Variants in DNM1L observed in about 807,000 individuals in gnomAD.
DNM1L encodes dynamin 1L.
Under a neutral mutation model 92.8 loss-of-function variants are expected in DNM1L, and 33 were observed. That is an observed-to-expected ratio of 0.36 (90% CI 0.27 to 0.48). DNM1L has a LOEUF of 0.48. DNM1L is among the 20% of genes least tolerant of loss of function. The pLI is 0.99. For missense variants in DNM1L, 485 were observed against 888.8 expected, an observed-to-expected ratio of 0.55 and a Z score of 5.78; for synonymous variants, 284 against 305.0, an observed-to-expected ratio of 0.93 and a Z score of 0.72.
intron 1 of DNM1L, among the ~76,000 whole-genome samples, chr12:32,697,489 C>G (rs10844307): frequency 0.15 from 23,412 of 152,026 alleles, 1,906 homozygotes; most frequent in Middle Eastern, 0.21. Flanking sequence ...TAATAATGTT[C>G]GTGGTGGTAG....
At chr12:32,742,352 C>T (rs879649802) in intron 18 of DNM1L, among the ~76,000 whole-genome samples, 5 of 152,130 alleles carry the variant, frequency 3.3e-5, no homozygotes, top group Non-Finnish European at 5.9e-5. Flanking sequence ...AGTCCACCCG[C>T]GTCAGCCTCC....
intron 1 of DNM1L, among the ~76,000 whole-genome samples, chr12:32,685,003 G>A (rs765567227): frequency 1.5e-4 from 23 of 149,852 alleles, no homozygotes; most frequent in Non-Finnish European, 2.8e-4. Flanking sequence ...GCAGTGGCGT[G>A]ATCTTGGCTC....
At position 32,698,722 on chromosome 12, in the gene DNM1L, GA is replaced by G. The variant is rs574354913; in HGVS notation, c.103-2688del. Among the ~76,000 whole-genome samples the G allele has an allele frequency of 3.9e-4, 59 of 152,248 alleles. 2 individuals carry two copies. The South Asian group carries it at 4.1e-3, about 11-fold the overall frequency. On this transcript the variant is annotated intron_variant, in intron 1 of 19. Transcript: ENST00000549701. Reference sequence around the variant, plus strand: ...AAAAATAAGTTTATTGCAAACTTAAGAAAAATGGCAAATTTAGAAATTTTTA... The same window carrying G: ...AAAAATAAGTTTATTGCAAACTTAAGAAAATGGCAAATTTAGAAATTTTTA...
At chr12:32,715,040 T>A (rs773605522) in intron 6 of DNM1L, among the ~76,000 whole-genome samples, 59 of 151,898 alleles carry the variant, frequency 3.9e-4, no homozygotes, top group Non-Finnish European at 6.2e-4. Context: ...ATGTATAAAC[T>A]CTATTTTAAA....
chr12:32,743,313 C>CTT, intron 19 of DNM1L, 41 bp from the exon 20 acceptor site: 1 of 1,570,522 alleles, frequency 6.4e-7, no homozygotes, highest in Non-Finnish European at 8.7e-7. Context: ...AATTTCATAA[C>CTT]TTTATAATAA....
In DNM1L at chr12:32,737,871, A is replaced by G; in HGVS notation, c.1603A>G (p.Lys535Glu). Reference protein sequence around the residue: ...PSAVSRDKSSKVPSALAPASQ... With the variant: ...PSAVSRDKSSEVPSALAPASQ... ...CTGGATTTTTTGCCTTTAGTCTTCT[A>G]AAGTTCCAAGTGCTTTGGCACCTGC... is the stretch of plus-strand genomic sequence containing the variant. The change falls in exon 15 of 20, where the codon AAA (lysine) becomes GAA (glutamate). Residue 535 changes from lysine (K) to glutamate (E), a missense_variant. Physicochemically the swap from Lys to Glu is moderately conservative, Grantham distance 56 (BLOSUM62 1). Transcript: ENST00000549701. 2 of 1,613,948 alleles carry G rather than the reference A, an allele frequency of 1.2e-6. No individual in the cohort carries two copies. Among genetic ancestry groups the G allele is most frequent in the Non-Finnish European group, 1.7e-6 (2 of 1,179,940 alleles).
chr12:32,737,057 A>G, intron 13 of DNM1L, 48 bp from the exon 14 acceptor site: 4 of 1,604,184 alleles, frequency 2.5e-6, no homozygotes, highest in Non-Finnish European at 2.6e-6. Context: ...TAGTAGGCAT[A>G]TATCTCAATA....
At chr12:32,726,448 C>T (rs567639189) in intron 9 of DNM1L, 1 of 1,309,180 alleles carries the variant, frequency 7.6e-7, no homozygotes, top group Admixed American at 1.7e-5. Flanking sequence ...TTTTCCTCAT[C>T]TCCTTTGTCC....
At chr12:32,710,824 A>C (rs1398219521) in intron 4 of DNM1L, 105 bp from the exon 5 acceptor site, 5 of 1,012,988 alleles carry the variant, frequency 4.9e-6, no homozygotes, top group African/African-American at 1.6e-5. Context: ...TTTAGGAATC[A>C]TGATTTAATT....
Position 32,742,838 on chromosome 12 carries a change from A to G in DNM1L, c.2154+90A>G, listed in dbSNP as rs374998098. ...TGCAGTTTGATTCTTGGATATGTAT[A>G]GTCTTTATATTCTAGCTAGGCTTGT... On this transcript the variant is annotated intron_variant, in intron 19 of 19. Coordinates refer to ENST00000549701, the MANE Select transcript of DNM1L (RefSeq NM_012062.5). The G allele has an allele frequency of 9.6e-5, 128 of 1,327,154 alleles. 3 individuals are homozygous for G. The highest frequency in any genetic ancestry group is 6.9e-4 in the East Asian group (25 of 36,456). 82.2% of individuals were successfully genotyped at this position (1,327,154 alleles called of 1,614,324 possible).
chr12:32,700,599 G>A (rs116726796), intron 1 of DNM1L, among the ~76,000 whole-genome samples: 1,547 of 152,010 alleles, frequency 0.01, 34 homozygotes, highest in African/African-American at 0.034. Context: ...ACAAAAATTA[G>A]CCAGGTATAG....
Position 32,743,467 on chromosome 12 carries a change from C to T in DNM1L, c.*57C>T, listed in dbSNP as rs1237114009. ...CTCAAAACTTGCTAGTTACTGCCTA[C>T]CTGAGTAGAATCTTATTTATGAACT... is the stretch of plus-strand genomic sequence containing the variant. On this transcript the variant is annotated 3_prime_UTR_variant, in exon 20 of 20. Coordinates refer to ENST00000549701, the MANE Select transcript of DNM1L (RefSeq NM_012062.5). The T allele has an allele frequency of 3.9e-6, 6 of 1,521,702 alleles. No homozygotes were observed. The African/African-American group carries it at 8.2e-5, about 21-fold the overall frequency. The allele number at this position is 1,521,702 out of a possible 1,614,324, so 94.3% of individuals were successfully genotyped here. A position where few individuals can be genotyped will look rare whatever the true frequency, so the allele number is the denominator to read the frequency against.
chr12:32,679,488 G>C (rs771767552), intron 1 of DNM1L, 23 bp downstream of exon 1: 39 of 1,596,454 alleles, frequency 2.4e-5, no homozygotes, highest in Non-Finnish European at 3.3e-5. Context: ...GGCGGCGTTC[G>C]CTCGGGCCAG....
In DNM1L at chr12:32,685,984, A is replaced by G. The variant is rs191930812; in HGVS notation, c.102+6519A>G. Among the ~76,000 whole-genome samples the G allele has an allele frequency of 2.0e-5, 3 of 147,204 alleles. No individual in the cohort carries two copies. The Admixed American group carries it at 2.1e-4, about 10-fold the overall frequency. ...TTTCTCTTTTTTTGTATAGATTATG[A>G]GCTGCTGCTTTTTTTTAACTTAACA... On this transcript the variant is annotated intron_variant, in intron 1 of 19. Transcript: ENST00000549701.
rs368039050 is a variant in DNM1L at position 32,697,807 on chromosome 12, T to A, written c.103-3608T>A. Among the ~76,000 whole-genome samples the A allele has an allele frequency of 9.9e-5, 15 of 151,904 alleles. 3 individuals are homozygous for A. Among genetic ancestry groups the A allele is most frequent in the Admixed American group, 1.3e-4 (2 of 15,258 alleles). On this transcript the variant is annotated intron_variant, in intron 1 of 19. Coordinates refer to ENST00000549701, the MANE Select transcript of DNM1L (RefSeq NM_012062.5). ...CCCAGGAAGAAGAAATTAGCAATATTAAAAAAAATCAATTACAAAGCAAAA... is the reference window on the plus strand; with the variant it reads ...CCCAGGAAGAAGAAATTAGCAATATAAAAAAAAATCAATTACAAAGCAAAA...
rs539304837 is a variant in DNM1L, at chr12:32,725,911, T to G, written c.1079+3278T>G. ...TGAGCCACCGCGACTGGCATGCCGG[T>G]TTTTTTTTTTTTTTTAAACGATGGA... On this transcript the variant is annotated intron_variant, in intron 9 of 19. Transcript: ENST00000549701. Among the ~76,000 whole-genome samples the G allele has an allele frequency of 1.3e-3, 121 of 96,490 alleles. 1 individual carries two copies. Among genetic ancestry groups the G allele is most frequent in the Admixed American group, 3.5e-3 (37 of 10,428 alleles). The allele number at this position is 96,490 out of a possible 152,430, so 63.3% of individuals were successfully genotyped here.
chr12:32,718,444 A>G (rs920125901), intron 6 of DNM1L, among the ~76,000 whole-genome samples, 199 bp from the exon 7 acceptor site: 1 of 151,878 alleles, frequency 6.6e-6, no homozygotes, highest in Non-Finnish European at 1.5e-5. Context: ...GCCCGGCAAA[A>G]ATGTTTTAAA....
rs749426149 is a variant in DNM1L, at chr12:32,733,780, T to C, written c.1512T>C (p.Ala504=). 4 of 1,613,988 alleles carry C rather than the reference T, an allele frequency of 2.5e-6. No homozygotes were observed. In the East Asian group the frequency reaches 6.7e-5, roughly 27 times the overall value. ...CAAAACATCCAGACTTTGCTGATGC[T>C]TGTGGGCTAATGAACAATAATATAG... ...INTKHPDFAD[A]CGLMNNNIEE... Residue 504 remains alanine (A), a synonymous_variant, in exon 13 of 20, where the codon GCT becomes GCC. Coordinates refer to ENST00000549701, the MANE Select transcript of DNM1L (RefSeq NM_012062.5).
At chr12:32,681,344 A>T (rs899226573) in intron 1 of DNM1L, among the ~76,000 whole-genome samples, 6 of 152,212 alleles carry the variant, frequency 3.9e-5, no homozygotes, top group African/African-American at 1.4e-4. Flanking sequence ...TGATTCCAGG[A>T]GTTCAAGACC....
Sources: gnomAD v4.1 joint callset for allele counts (sites outside exome capture counted in the v4.1 genomes callset) on GRCh38, gnomAD v4.1.1 for gene constraint, MANE v1.5 for transcripts, NCBI Gene and HGNC (gene_info 2026-07-23, HGNC 2026-07-21) for gene names.